TRMT44: variants seen among roughly 807,000 people sequenced by gnomAD.
TRMT44 encodes the protein tRNA methyltransferase 44 homolog, also known as probable tRNA (uracil-O(2)-)-methyltransferase.
Under a neutral mutation model 77.3 loss-of-function variants are expected in TRMT44, and 78 were observed. The observed-to-expected ratio is 1.01, with a 90% CI of 0.84 to 1.22. The LOEUF (loss-of-function observed/expected upper bound fraction) is 1.22. Ranked by LOEUF, TRMT44 falls within the 50% of genes most tolerant of loss-of-function variation. The pLI, the probability that TRMT44 is intolerant of heterozygous loss-of-function variation, is 0.00. For synonymous variants in TRMT44, 391 were observed against 383.3 expected (o/e 1.02, Z -0.23); for missense variants, 1,090 against 964.4 (o/e 1.13, Z -1.73).
intron 2 of TRMT44, among the ~76,000 whole-genome samples, chr4:8,447,683 T>C (rs537734138): frequency 6.6e-6 from 1 of 152,264 alleles, no homozygotes; most frequent in East Asian, 1.9e-4. Context: ...AAAGGGGTGC[T>C]CAGGCCCTGT....
chr4:8,463,518 C>G (rs773753430), intron 6 of TRMT44, among the ~76,000 whole-genome samples: 6 of 152,174 alleles, frequency 3.9e-5, no homozygotes, highest in Non-Finnish European at 7.4e-5. Context: ...TATTCATAGA[C>G]TTGGTTTCCT....
At chr4:8,509,201 G>C in the TRMT44 span, 2 of 152,044 alleles carry the variant, frequency 1.3e-5, no homozygotes, top group Non-Finnish European at 2.9e-5. Flanking sequence ...GAGGACGGAG[G>C]GAGGGAGGGA....
At chr4:8,500,673 T>G in the TRMT44 span, among the ~76,000 whole-genome samples, 1 of 151,326 alleles carries the variant, frequency 6.6e-6, no homozygotes, top group South Asian at 2.1e-4. Context: ...TTTTTTTTTT[T>G]TGAGGCAGAG....
intron 3 of TRMT44, 62 bp downstream of exon 3, chr4:8,449,950 T>TTTTCTTTTCTTTTA: frequency 5.7e-6 from 1 of 174,112 alleles, no homozygotes; most frequent in Non-Finnish European, 8.9e-6. Context: ...TTTTCTTTTC[T>TTTTCTTTTCTTTTA]TTTTTTTTTT....
At chr4:8,457,017 GCCCC>G (rs34337697) in intron 6 of TRMT44, among the ~76,000 whole-genome samples, 14,885 of 126,290 alleles carry the variant, frequency 0.12, 1,408 homozygotes, top group African/African-American at 0.27. Flanking sequence ...CAAGACACCC[GCCCC>G]CCCCCCCCAA....
At chr4:8,513,063 C>T in the TRMT44 span, among the ~76,000 whole-genome samples, 1 of 152,070 alleles carries the variant, frequency 6.6e-6, no homozygotes, top group African/African-American at 2.4e-5. Context: ...ATTACAGGTG[C>T]CCGCCACCAC....
At chr4:8,487,439 G>A (rs1727845643) in intron 2 of TRMT44, among the ~76,000 whole-genome samples, 1 of 152,030 alleles carries the variant, frequency 6.6e-6, no homozygotes, top group Admixed American at 6.6e-5. Context: ...ATAAGGGGTT[G>A]AGGTGCAGAG....
At chr4:8,506,143 T>C in the TRMT44 span, among the ~76,000 whole-genome samples, 1 of 152,162 alleles carries the variant, frequency 6.6e-6, no homozygotes, top group Non-Finnish European at 1.5e-5. Context: ...GGACACCAGC[T>C]AGAGAAGGGG....
At position 8,475,818 on chromosome 4, in the gene TRMT44, G is replaced by C. The variant is rs1309859513; in HGVS notation, c.2091G>C (p.Leu697=). Residue 697 remains leucine, a synonymous_variant, in exon 11 of 11, where the codon CTG becomes CTC. Coordinates refer to ENST00000389737, the MANE Select transcript of TRMT44 (RefSeq NM_152544.3). ...TCCGCGACTGGCGAGAGGAGACACT[G>C]TGGAAGACAAAGCAACCGGAAGCGA... ...VHIRDWREET[L]WKTKQPEAKQ... The C allele has an allele frequency of 1.2e-6, 2 of 1,614,058 alleles. No individual in the cohort carries two copies. The highest frequency in any genetic ancestry group is 3.3e-5 in the Admixed American group (2 of 60,014).
At chr4:8,484,289 T>C (rs1328656749) in intron 2 of TRMT44, among the ~76,000 whole-genome samples, 4 of 151,974 alleles carry the variant, frequency 2.6e-5, no homozygotes, top group African/African-American at 7.3e-5. Context: ...GGAGGCCAGA[T>C]TGAAGTTGGG....
intron 7 of TRMT44, among the ~76,000 whole-genome samples, chr4:8,464,536 T>C (rs1726392273): frequency 6.6e-6 from 1 of 152,260 alleles, no homozygotes; most frequent in African/African-American, 2.4e-5. Flanking sequence ...CCGAGAGACT[T>C]GGTCACGAAG....
At chr4:8,466,043 CA>C (rs1427077381) in intron 8 of TRMT44, among the ~76,000 whole-genome samples, 1 of 152,226 alleles carries the variant, frequency 6.6e-6, no homozygotes, top group African/African-American at 2.4e-5. Context: ...TTTCTGTAAG[CA>C]GTGGGACTGT....
At chr4:8,441,527 C>CT (rs1217775423) in intron 1 of TRMT44, 86 bp downstream of exon 1, 1 of 1,398,494 alleles carries the variant, frequency 7.2e-7, no homozygotes, top group East Asian at 2.6e-5. Flanking sequence ...CCTAAGGGTA[C>CT]TAGTTCCTCT....
chr4:8,457,645 T>C (rs1302531200), intron 6 of TRMT44, among the ~76,000 whole-genome samples: 1 of 152,222 alleles, frequency 6.6e-6, no homozygotes, highest in East Asian at 1.9e-4. Context: ...GATTTTACCA[T>C]TGAAGACACC....
Position 8,451,920 on chromosome 4 carries a change from GA to G in TRMT44, c.955-37del. On this transcript the variant is annotated intron_variant, in intron 3 of 10. Transcript: ENST00000389737. The surrounding 1 kb of genome is among the most constrained non-coding windows in gnomAD (Gnocchi z 4.1). ...TAAAGTATTGGGAAATGGTGGTGGG[GA>G]AACCGAACAATTTATGTTTGCTCTT... The G allele has an allele frequency of 1.3e-6, 2 of 1,525,120 alleles. No homozygotes were observed. Among genetic ancestry groups the G allele is most frequent in the Non-Finnish European group, 1.8e-6 (2 of 1,136,868 alleles). The allele number at this position is 1,525,120 out of a possible 1,614,324, so 94.5% of individuals were successfully genotyped here.
At chr4:8,507,724 T>G in the TRMT44 span, among the ~76,000 whole-genome samples, 39,706 of 152,038 alleles carry the variant, frequency 0.26, 5,926 homozygotes, top group Admixed American at 0.38. Flanking sequence ...TCGCTCCATG[T>G]ACAGACAGGA....
At chr4:8,480,348 C>CCTTGT (rs1307319758), downstream of TRMT44, among the ~76,000 whole-genome samples, 2 of 152,128 alleles carry the variant, frequency 1.3e-5, no homozygotes, top group East Asian at 3.8e-4. Context: ...TATATATTGG[C>CCTTGT]GTACTTCTGG....
At chr4:8,467,177 T>C (rs1250763209) in intron 8 of TRMT44, among the ~76,000 whole-genome samples, 1 of 152,218 alleles carries the variant, frequency 6.6e-6, no homozygotes, top group Non-Finnish European at 1.5e-5. Context: ...ACTCGCTGGC[T>C]CTGGCAAGGT....
chr4:8,473,276 C>T (rs1727144119), intron 10 of TRMT44: 2 of 152,646 alleles, frequency 1.3e-5, no homozygotes, highest in East Asian at 3.9e-4. Flanking sequence ...CTGAGGCCGC[C>T]AAGGGGCGGC....
Sources: allele counts gnomAD v4.1 joint callset (sites outside exome capture counted in the v4.1 genomes callset), GRCh38; gene constraint gnomAD v4.1.1; non-coding constraint Gnocchi (gnomAD v3.1); transcripts MANE v1.5; gene names NCBI Gene and HGNC (gene_info 2026-07-23, HGNC 2026-07-21).